Variants in RABGAP1L observed in about 807,000 individuals in gnomAD.
RABGAP1L encodes RAB GTPase activating protein 1 like.
Under a neutral mutation model 137.7 loss-of-function variants are expected in RABGAP1L, and 63 were observed. The observed-to-expected ratio is 0.46, with a 90% confidence interval of 0.37 to 0.56. The LOEUF (loss-of-function observed/expected upper bound fraction) is 0.56, where lower values mean the gene tolerates loss of function less well. Among genes scored for constraint, RABGAP1L ranks in the 20% least tolerant of loss-of-function variants. The probability of loss-of-function intolerance (pLI) is 0.00; values close to 1 mark genes in which losing one functional copy is unlikely to be tolerated. For missense variants in RABGAP1L, 1,095 were observed against 1,244.0 expected, an observed-to-expected ratio of 0.88 and a Z score of 1.80; for synonymous variants, 431 against 433.7, an observed-to-expected ratio of 0.99 and a Z score of 0.08.
intron 19 of RABGAP1L, among the ~76,000 whole-genome samples, chr1:174,833,669 C>T (rs894004573): frequency 6.6e-6 from 1 of 151,194 alleles, no homozygotes; most frequent in African/African-American, 2.4e-5. Flanking sequence ...TTATTATGTA[C>T]CCACTAGGTC....
At chr1:174,720,496 TG>T (rs1265243969) in intron 17 of RABGAP1L, among the ~76,000 whole-genome samples, 1 of 152,002 alleles carries the variant, frequency 6.6e-6, no homozygotes, top group Non-Finnish European at 1.5e-5. Flanking sequence ...TTTAATTTTT[TG>T]TAGAGACAGG....
intron 13 of RABGAP1L, among the ~76,000 whole-genome samples, chr1:174,622,866 C>T (rs115421332): frequency 1.3e-5 from 2 of 151,898 alleles, no homozygotes; most frequent in South Asian, 2.1e-4. Flanking sequence ...TAAAAAATAC[C>T]GAAATTTTTG....
At chr1:174,313,253 C>A (rs1378173029) in intron 11 of RABGAP1L, among the ~76,000 whole-genome samples, 4 of 152,108 alleles carry the variant, frequency 2.6e-5, no homozygotes, top group Admixed American at 6.6e-5. Context: ...TTTAAAAATT[C>A]TTTTCCACGT....
intron 3 of RABGAP1L, among the ~76,000 whole-genome samples, chr1:174,229,919 C>T (rs1446312257): frequency 6.6e-6 from 1 of 152,158 alleles, no homozygotes; most frequent in Non-Finnish European, 1.5e-5. Flanking sequence ...CACATCCTCT[C>T]CAGCACCTGC....
chr1:174,518,446 A>G (rs1470155639), intron 13 of RABGAP1L, among the ~76,000 whole-genome samples: 1 of 152,202 alleles, frequency 6.6e-6, no homozygotes, highest in Non-Finnish European at 1.5e-5. Flanking sequence ...TACATTGTAA[A>G]TGCTATTTAA....
chr1:174,556,761 G>A (rs547765419), intron 13 of RABGAP1L, among the ~76,000 whole-genome samples: 3 of 152,368 alleles, frequency 2.0e-5, no homozygotes, highest in Admixed American at 1.3e-4. Flanking sequence ...TATGCAGTTT[G>A]ATAAGTGCAC....
chr1:174,261,152 T>C (rs1245726663), intron 7 of RABGAP1L, among the ~76,000 whole-genome samples: 1 of 152,000 alleles, frequency 6.6e-6, no homozygotes, highest in Non-Finnish European at 1.5e-5. Context: ...AATGAAGTAG[T>C]GATACAGCAA....
At chr1:174,528,550 G>A (rs1664122265) in intron 13 of RABGAP1L, among the ~76,000 whole-genome samples, 1 of 147,146 alleles carries the variant, frequency 6.8e-6, no homozygotes, top group Non-Finnish European at 1.5e-5. Flanking sequence ...TGGTCAGTAA[G>A]GTTTCTGCAA....
At chr1:174,461,367 T>C (rs1212526146) in intron 13 of RABGAP1L, among the ~76,000 whole-genome samples, 2 of 152,170 alleles carry the variant, frequency 1.3e-5, no homozygotes, top group African/African-American at 2.4e-5. Context: ...ATAGTATCCA[T>C]AGTGGTAGAG....
At chr1:174,161,951 T>C (rs541763896) in intron 1 of RABGAP1L, among the ~76,000 whole-genome samples, 16 of 152,094 alleles carry the variant, frequency 1.1e-4, no homozygotes, top group Non-Finnish European at 2.4e-4. Context: ...CAGGCTAGTC[T>C]CCAACTCCTG....
chr1:174,675,165 T>C (rs1024680154), intron 14 of RABGAP1L, among the ~76,000 whole-genome samples: 7 of 152,242 alleles, frequency 4.6e-5, no homozygotes, highest in Non-Finnish European at 1.0e-4. Context: ...TCTTTGCCCA[T>C]GCCTATGACC....
intron 19 of RABGAP1L, among the ~76,000 whole-genome samples, chr1:174,947,497 A>G (rs1383562204): frequency 1.3e-5 from 2 of 152,082 alleles, no homozygotes; most frequent in Non-Finnish European, 2.9e-5. Flanking sequence ...GGCTCACTGC[A>G]GCCTCAGCCT....
At chr1:174,989,351 T>C (rs1671881641) in intron 25 of RABGAP1L, among the ~76,000 whole-genome samples, 1 of 152,170 alleles carries the variant, frequency 6.6e-6, no homozygotes, top group Admixed American at 6.5e-5. Context: ...TCTTCTTCAT[T>C]TCATTTTCCC....
At chr1:174,882,851 A>T (rs1436370563) in intron 19 of RABGAP1L, among the ~76,000 whole-genome samples, 1 of 152,000 alleles carries the variant, frequency 6.6e-6, no homozygotes, top group Admixed American at 6.6e-5. Context: ...TTGGAGACAG[A>T]GTGTGGCTCT....
At chr1:174,899,982 A>G (rs2149154119) in intron 19 of RABGAP1L, among the ~76,000 whole-genome samples, 1 of 152,282 alleles carries the variant, frequency 6.6e-6, no homozygotes, top group African/African-American at 2.4e-5. Flanking sequence ...ATAGTGCAGA[A>G]GTTGGAATAG....
chr1:174,632,645 A>G (rs1003959542), intron 13 of RABGAP1L, among the ~76,000 whole-genome samples: 7 of 149,576 alleles, frequency 4.7e-5, no homozygotes, highest in South Asian at 2.1e-4. Context: ...CATTCATTTC[A>G]TCTTCCATCA....
intron 14 of RABGAP1L, among the ~76,000 whole-genome samples, chr1:174,650,180 G>A (rs138329430): frequency 0.086 from 13,034 of 152,076 alleles, 747 homozygotes; most frequent in East Asian, 0.21. Flanking sequence ...CCCAGGGATG[G>A]AGCCCACTTG....
intron 4 of RABGAP1L, among the ~76,000 whole-genome samples, chr1:174,233,475 C>A (rs1670872278): frequency 7.8e-6 from 1 of 128,868 alleles, no homozygotes; most frequent in South Asian, 2.2e-4. Context: ...TCCATGTGAT[C>A]TCATTGTTCA....
At chr1:174,503,685 A>G (rs78905282) in intron 13 of RABGAP1L, among the ~76,000 whole-genome samples, 4,622 of 148,072 alleles carry the variant, frequency 0.031, 103 homozygotes, top group Middle Eastern at 0.076. Flanking sequence ...AGAAATGTAA[A>G]TACAAAAAAA....
Sources: gnomAD v4.1 joint callset for allele counts (sites outside exome capture counted in the v4.1 genomes callset) on GRCh38, gnomAD v4.1.1 for gene constraint, MANE v1.5 for transcripts, NCBI Gene and HGNC (gene_info 2026-07-23, HGNC 2026-07-21) for gene names.